PLXNB3: variants seen among roughly 807,000 people sequenced by gnomAD.
PLXNB3 encodes the protein plexin B3.
In PLXNB3, 80 loss-of-function variants were observed where a neutral mutation model predicts 125.7. The observed-to-expected ratio is 0.64, with a 90% CI of 0.53 to 0.77. PLXNB3 has a LOEUF of 0.77. PLXNB3 is among the 30% of genes least tolerant of loss of function. PLXNB3 has a pLI of 0.00. For synonymous variants in PLXNB3, 954 were observed against 783.3 expected (o/e 1.22, Z -3.64); for missense variants, 1,836 against 1,729.3 (o/e 1.06, Z -1.09).
At chrX:153,771,689 G>A (rs1257845348) in intron 14 of PLXNB3, 34 bp downstream of exon 14, 3 of 1,154,389 alleles carry the variant, frequency 2.6e-6, no homozygotes, top group East Asian at 6.1e-5. Flanking sequence ...CAGCCCAGTG[G>A]CCCACTTCTC....
Position 153,778,580 on chromosome X carries a change from C to G in PLXNB3, c.5551-20C>G. 1.7e-6 allele frequency: 2 copies of G among 1,188,911 alleles called. No homozygotes were observed. Among genetic ancestry groups the G allele is most frequent in the South Asian group, 3.6e-5 (2 of 55,045 alleles). ...GACCAGGCTGGGACCTCACTGCCCC[C>G]CTCCACGTGGTGCCCCCAGAACTAC... On this transcript the variant is annotated intron_variant, in intron 34 of 35. Transcript: ENST00000361971.
At position 153,769,903 on chromosome X, in the gene PLXNB3, G is replaced by A. The variant is rs1557060950; in HGVS notation, c.1593G>A (p.Leu531=). 8.3e-7 allele frequency: 1 copy of A among 1,208,850 alleles called. No individual in the cohort carries two copies. Among genetic ancestry groups the A allele is most frequent in the Non-Finnish European group, 1.1e-6 (1 of 894,599 alleles). ...GCCACTGCCTGCACATCCAGAGCCT[G>A]CTGCCGGGCCACCACCCCCGCCAGG... ...EDSHCLHIQS[L]LPGHHPRQEQ... is the part of the protein sequence containing the mutation. The change falls in exon 7 of 36, where the codon CTG becomes CTA. Residue 531 remains leucine, a synonymous_variant. Coordinates refer to ENST00000361971, the MANE Select transcript of PLXNB3 (RefSeq NM_005393.3).
chrX:153,766,798 C>T, intron 2 of PLXNB3, 75 bp from the exon 3 acceptor site: 1 of 1,110,918 alleles, frequency 9.0e-7, no homozygotes. Context: ...GGCCTCTGTC[C>T]ACCCCACCTT....
Position 153,775,317 on chromosome X carries a change from G to A in PLXNB3, c.4248G>A (p.Leu1416=), listed in dbSNP as rs372402666. The A allele has an allele frequency of 8.3e-7, 1 of 1,210,435 alleles. No individual in the cohort carries two copies. Among genetic ancestry groups the A allele is most frequent in the South Asian group, 1.8e-5 (1 of 56,815 alleles). ...SLLSLALHGK[L]EYLTDIMRTL... The stretch of plus-strand genomic sequence containing the variant: ...TGTCGCTAGCGCTACACGGCAAGCT[G>A]GAGTACCTGACGGACATCATGAGGA... The change falls in exon 25 of 36, where the codon CTG becomes CTA. Residue 1416 remains leucine (L), a synonymous_variant. Transcript: ENST00000361971.
rs2091910944 is a variant in PLXNB3 at position 153,770,133 on chromosome X, T to C, written c.1671T>C (p.Asp557=). The C allele has an allele frequency of 8.3e-7, 1 of 1,211,606 alleles. No homozygotes were observed. The highest frequency in any genetic ancestry group is 1.1e-6 in the Non-Finnish European group (1 of 895,471). Residue 557 remains aspartate, a synonymous_variant, in exon 8 of 36, where the codon GAT becomes GAC. Coordinates refer to ENST00000361971, the MANE Select transcript of PLXNB3 (RefSeq NM_005393.3). ...SVPRLPILDA[D]EYFHCAFGDY... ...CCCGGCTGCCCATCCTGGATGCAGA[T>C]GAATACTTCCATTGTGCGTTCGGGG...
chrX:153,774,792 G>A lies in PLXNB3; in HGVS notation c.3917G>A (p.Arg1306His), dbSNP rs201105227. 1.1e-4 allele frequency: 134 copies of A among 1,207,784 alleles called. No homozygotes were observed. Among genetic ancestry groups the A allele is most frequent in the Admixed American group, 7.6e-4 (35 of 45,794 alleles). ...GAGACCGGCGTGGGAGACCAGTGCC[G>A]CAAGGAGTTCACAGGTGGGTGCGGA... ...SLETGVGDQCRKEFTDLMTEM... is the reference protein window; with the variant it reads ...SLETGVGDQCHKEFTDLMTEM... Residue 1306 changes from arginine (R) to histidine (H), a missense_variant, in exon 23 of 36, where the codon CGC becomes CAC. By Grantham distance (29) the Arg-to-His change is conservative. Transcript: ENST00000361971.
rs782559991 is a variant in PLXNB3 at position 153,772,881 on chromosome X, G to A, written c.2776-5G>A. 11 of 1,120,003 alleles carry A rather than the reference G, an allele frequency of 9.8e-6. No homozygotes were observed. In the South Asian group the frequency reaches 1.1e-4, roughly 11 times the overall value. The allele number at this position is 1,120,003 out of a possible 1,213,427, so 92.3% of individuals were successfully genotyped here. A position where few individuals can be genotyped will look rare whatever the true frequency, so the allele number is the denominator to read the frequency against. On this transcript the variant is annotated splice_polypyrimidine_tract_variant and splice_region_variant and intron_variant, in intron 16 of 35. Transcript: ENST00000361971. ...CGTGCCTACCCAGCCTGCGCTGTTC[G>A]CCAGGACCCTGTCCTGCTGAGCCTG...
intron 35 of PLXNB3, 115 bp from the exon 36 acceptor site, chrX:153,778,820 C>T: frequency 4.5e-6 from 5 of 1,109,861 alleles, no homozygotes; most frequent in Non-Finnish European, 5.9e-6. Context: ...CAGGGAGACG[C>T]CAGGCAGCCC....
At position 153,770,866 on chromosome X, in the gene PLXNB3, A is replaced by C; in HGVS notation, c.2119A>C (p.Asn707His). 1 of 1,206,907 alleles carries C rather than the reference A, an allele frequency of 8.3e-7. No individual in the cohort carries two copies. Among genetic ancestry groups the C allele is most frequent in the Non-Finnish European group, 1.1e-6 (1 of 892,269 alleles). ...GAGCCATTTGGCCCTACGCGTGCGG[A>C]ACCTTCAACATTTCCGAGTGAGCCA... is the stretch of plus-strand genomic sequence containing the variant. Reference protein sequence around the residue: ...WESHLALRVRNLQHFRGLPAS... With the variant: ...WESHLALRVRHLQHFRGLPAS... Residue 707 changes from asparagine to histidine, a missense_variant, in exon 11 of 36, where the codon AAC (asparagine) becomes CAC (histidine). Asn to His is a moderately conservative substitution (Grantham distance 68). Coordinates refer to ENST00000361971, the MANE Select transcript of PLXNB3 (RefSeq NM_005393.3).
intron 2 of PLXNB3, chrX:153,766,252 C>T (rs1557059123): frequency 8.6e-7 from 1 of 1,165,351 alleles, no homozygotes; most frequent in Non-Finnish European, 1.1e-6. Context: ...GCTCCTTGCT[C>T]AGCCCGCGGC....
At chrX:153,766,740 T>C in intron 2 of PLXNB3, 133 bp from the exon 3 acceptor site, 1 of 1,061,343 alleles carries the variant, frequency 9.4e-7, no homozygotes, top group Non-Finnish European at 1.2e-6. Context: ...TCACTCTCTC[T>C]CATTCTCCAT....
Position 153,766,503 on chromosome X carries a change from C to T in PLXNB3, c.46-370C>T, listed in dbSNP as rs2091859806. 9.6e-6 allele frequency: 10 copies of T among 1,046,364 alleles called. No homozygotes were observed. The South Asian group carries it at 2.3e-4, about 25-fold the overall frequency. The allele number at this position is 1,046,364 out of a possible 1,213,427, so 86.2% of individuals were successfully genotyped here. A position where few individuals can be genotyped will look rare whatever the true frequency, so the allele number is the denominator to read the frequency against. On this transcript the variant is annotated intron_variant, in intron 2 of 35. Coordinates refer to ENST00000361971, the MANE Select transcript of PLXNB3 (RefSeq NM_005393.3). ...CCTGCCCTCTCTCCATCCCTGCCCC[C>T]TCTGTGACTCACAGTCCCTCTGTTA...
intron 2 of PLXNB3, chrX:153,766,213 G>A (rs1421195109): frequency 3.9e-5 from 45 of 1,155,716 alleles, no homozygotes; most frequent in Non-Finnish European, 4.6e-5. Context: ...GCGCCAGCAT[G>A]GAGCTCACCC....
At chrX:153,765,407 C>A in intron 1 of PLXNB3, 64 bp from the exon 2 acceptor site, 1 of 905,136 alleles carries the variant, frequency 1.1e-6, no homozygotes, top group Non-Finnish European at 1.5e-6. Context: ...ACCCCCACCG[C>A]CGCCCCTCCT....
rs930631472 is a variant in PLXNB3 at position 153,774,002 on chromosome X, C to T, written c.3423C>T (p.Gly1141=). ...TCGCCAGTGCCAGTGGGGGCCAGGGCTTCCTGTACCAGCCCAACCCCCGCC... is the reference window on the plus strand; with the variant it reads ...TCGCCAGTGCCAGTGGGGGCCAGGGTTTCCTGTACCAGCCCAACCCCCGCC... ...VDFASASGGQ[G]FLYQPNPRLA... Residue 1141 remains glycine, a synonymous_variant, in exon 20 of 36, where the codon GGC becomes GGT. Coordinates refer to ENST00000361971, the MANE Select transcript of PLXNB3 (RefSeq NM_005393.3). The T allele has an allele frequency of 5.8e-6, 7 of 1,206,345 alleles. No homozygotes were observed. The highest frequency in any genetic ancestry group is 2.2e-5 in the Admixed American group (1 of 45,828).
chrX:153,775,094 C>G lies in PLXNB3; in HGVS notation c.4146C>G (p.Phe1382Leu), dbSNP rs199661205. 8.3e-7 allele frequency: 1 copy of G among 1,199,744 alleles called. No individual in the cohort carries two copies. The highest frequency in any genetic ancestry group is 1.7e-5 in the African/African-American group (1 of 57,619). Residue 1382 changes from phenylalanine (F) to leucine (L), a missense_variant, in exon 24 of 36, where the codon TTC (phenylalanine) becomes TTG (leucine). By Grantham distance (22) the Phe-to-Leu change is conservative. Coordinates refer to ENST00000361971, the MANE Select transcript of PLXNB3 (RefSeq NM_005393.3). ...QLSNLLNSKLFLLTLIHTLEE... is the reference protein window; with the variant it reads ...QLSNLLNSKLLLLTLIHTLEE... ...CCAACCTGCTCAACAGCAAGCTCTT[C>G]CTCCTCACGGTGAGGGCCGTGTGGC...
chrX:153,768,005 C>A, intron 3 of PLXNB3, 92 bp downstream of exon 3: 1 of 962,359 alleles, frequency 1.0e-6, no homozygotes, highest in Non-Finnish European at 1.4e-6. Context: ...AAGTGCCAGC[C>A]AACCTCTCAG....
At position 153,769,817 on chromosome X, in the gene PLXNB3, A is replaced by C; in HGVS notation, c.1507A>C (p.Lys503Gln). ...ACCCCTGCCTGGCAGGTGTACCCGG[A>C]AGGGCCAGTGCGGGCGGGCAGGCCA... ...WCVLQGRCTR[K>Q]GQCGRAGQLN... The change falls in exon 7 of 36, where the codon AAG (lysine) becomes CAG (glutamine). Residue 503 changes from lysine (K) to glutamine (Q), a missense_variant. Physicochemically the swap from Lys to Gln is moderately conservative, Grantham distance 53 (BLOSUM62 1). Transcript: ENST00000361971. The C allele has an allele frequency of 1.7e-6, 2 of 1,204,220 alleles. No individual in the cohort carries two copies. The highest frequency in any genetic ancestry group is 2.2e-6 in the Non-Finnish European group (2 of 892,796).
chrX:153,773,890 G>C lies in PLXNB3; in HGVS notation c.3311G>C (p.Ser1104Thr), dbSNP rs111942299. ...ACCGTCTGCTCCGTCAACTCGTCCA[G>C]CCTCCTCCTGTGCCGGAGCCCTGCT... is the stretch of plus-strand genomic sequence containing the variant. Reference protein sequence around the residue: ...CSTVCSVNSSSLLLCRSPAVP... With the variant: ...CSTVCSVNSSTLLLCRSPAVP... Residue 1104 changes from serine to threonine, a missense_variant, in exon 20 of 36, where the codon AGC becomes ACC. Physicochemically the swap from Ser to Thr is moderately conservative, Grantham distance 58. Transcript: ENST00000361971. 3.3e-6 allele frequency: 4 copies of C among 1,210,187 alleles called. No homozygotes were observed. The Admixed American group carries it at 6.5e-5, about 20-fold the overall frequency.
Sources: allele counts gnomAD v4.1 joint callset, GRCh38; gene constraint gnomAD v4.1.1; transcripts MANE v1.5; gene names NCBI Gene and HGNC (gene_info 2026-07-23, HGNC 2026-07-21).